The following PPP2R1B variants were observed in gnomAD, a reference collection of about 807,000 sequenced individuals.
The protein encoded by PPP2R1B is protein phosphatase 2 scaffold subunit Abeta, also known as serine/threonine-protein phosphatase 2A 65 kDa regulatory subunit A beta isoform.
A neutral mutation model predicts 72.7 loss-of-function variants in PPP2R1B; 58 were observed. The observed-to-expected ratio is 0.80, with a 90% CI of 0.65 to 0.99. PPP2R1B has a LOEUF of 0.99. Ranked by LOEUF, PPP2R1B falls within the 50% of genes least tolerant of loss-of-function variation. PPP2R1B has a pLI of 0.00. For missense variants in PPP2R1B, 695 were observed against 733.6 expected (o/e 0.95, Z 0.61); for synonymous variants, 256 against 264.6 (o/e 0.97, Z 0.32).
chr11:111,748,111 A>C (rs2136064159), intron 10 of PPP2R1B, 97 bp from the exon 11 acceptor site: 2 of 1,084,480 alleles, frequency 1.8e-6, no homozygotes, highest in African/African-American at 1.6e-5. Flanking sequence ...AGGCTAAAAA[A>C]ACTTGTTTCC....
chr11:111,688,196 G>A, the PPP2R1B span: 14 of 1,610,190 alleles, frequency 8.7e-6, no homozygotes, highest in African/African-American at 4.0e-5. The surrounding 1 kb of genome is among the most constrained non-coding windows in gnomAD (Gnocchi z 4.2). Flanking sequence ...AATAAGATCC[G>A]AAGTGAGCCA....
At position 111,738,168 on chromosome 11, in the gene PPP2R1B, A is replaced by C; in HGVS notation, c.*3428T>G. ...CAAAGGGAAACAGTTACATCACATC[A>C]GACTGCAGTCACCTCAGCTGCTAAA... On this transcript the variant is annotated 3_prime_UTR_variant, in exon 15 of 15. Transcript: ENST00000527614. 1.0e-6 allele frequency: 1 copy of C among 986,230 alleles called. No homozygotes were observed. The highest frequency in any genetic ancestry group is 1.2e-6 in the Non-Finnish European group (1 of 830,448). 61.1% of individuals were successfully genotyped at this position (986,230 alleles called of 1,614,324 possible).
intron 15 of PPP2R1B, chr11:111,729,272 C>CAGAT (rs759490007): frequency 6.6e-6 from 1 of 152,306 alleles, no homozygotes; most frequent in East Asian, 1.9e-4. Flanking sequence ...CACTGGGGCA[C>CAGAT]AGATAGAGAA....
At chr11:111,692,350 CAAAAAAAAAAAAAAAAAAAAAAAAAA>C in the PPP2R1B span, among the ~76,000 whole-genome samples, 3 of 26,482 alleles carry the variant, frequency 1.1e-4, no homozygotes, top group African/African-American at 2.3e-4. Flanking sequence ...GACTCAGTCT[CAAAAAAAAAAAAAAAAAAAAAAAAAA>C]AAAAAAAAAA....
At chr11:111,718,264 G>A in the PPP2R1B span, among the ~76,000 whole-genome samples, 5 of 152,148 alleles carry the variant, frequency 3.3e-5, no homozygotes, top group Non-Finnish European at 2.9e-5. Context: ...AGAGAGTTAA[G>A]GAGCTTAGAG....
chr11:111,748,031 T>C lies in PPP2R1B; in HGVS notation c.1339-17A>G. On this transcript the variant is annotated splice_polypyrimidine_tract_variant and intron_variant, in intron 10 of 14. Transcript: ENST00000527614. ...TTCCACACCCTACAGATACAGAAGA[T>C]TCCATTAACATACATTGCCAAAATT... is the stretch of plus-strand genomic sequence containing the variant. 5 of 1,608,044 alleles carry C rather than the reference T, an allele frequency of 3.1e-6. No homozygotes were observed. Among genetic ancestry groups the C allele is most frequent in the Non-Finnish European group, 4.2e-6 (5 of 1,176,648 alleles).
In PPP2R1B at chr11:111,755,585, TTTTTC is replaced by T; in HGVS notation, c.688-140_688-136del. ...TTATATAGTTTCACGTCTTGACATC[TTTTTC>T]TTTTTTTTTTTTTTTTTGAGGCAGG... On this transcript the variant is annotated intron_variant, in intron 5 of 14. Coordinates refer to ENST00000527614, the MANE Select transcript of PPP2R1B (RefSeq NM_002716.5). The T allele has an allele frequency of 4.3e-5, 31 of 723,738 alleles. No individual in the cohort carries two copies. The South Asian group carries it at 8.6e-4, about 20-fold the overall frequency. The allele number at this position is 723,738 out of a possible 1,614,324, so 44.8% of individuals were successfully genotyped here.
At chr11:111,713,676 G>C in the PPP2R1B span, among the ~76,000 whole-genome samples, 48 of 152,234 alleles carry the variant, frequency 3.2e-4, no homozygotes, top group African/African-American at 1.1e-3. Flanking sequence ...ATTGATAAAA[G>C]ATAAAATATG....
downstream of PPP2R1B, chr11:111,723,636 A>G: frequency 6.2e-7 from 1 of 1,614,102 alleles, no homozygotes; most frequent in Non-Finnish European, 8.5e-7. Flanking sequence ...CCGCCTTCTC[A>G]GCAGGCCCCA....
At chr11:111,692,121 C>G in the PPP2R1B span, among the ~76,000 whole-genome samples, 1 of 151,654 alleles carries the variant, frequency 6.6e-6, no homozygotes, top group Non-Finnish European at 1.5e-5. Flanking sequence ...GAGGCCAAGA[C>G]GGGCAGATTG....
chr11:111,756,882 G>A (rs916535276), intron 5 of PPP2R1B, among the ~76,000 whole-genome samples: 27 of 152,156 alleles, frequency 1.8e-4, no homozygotes, highest in African/African-American at 6.5e-4. Flanking sequence ...GGGAGGCCGA[G>A]GCAGGCGGAT....
chr11:111,717,189 G>A, the PPP2R1B span, among the ~76,000 whole-genome samples: 4 of 151,926 alleles, frequency 2.6e-5, no homozygotes, highest in East Asian at 3.9e-4. Context: ...GGTGATGGGC[G>A]CCTGTAGTCC....
Position 111,760,838 on chromosome 11 carries a change from C to T in PPP2R1B, c.520G>A (p.Val174Ile), listed in dbSNP as rs1555051089. ...SVCYPRASNA[V>I]KAEIRQQFRS... ...GCTTACTGTCTGATTTCTGCTTTAACAGCATTTGATGCCCTGGGATAGCAA... is the reference window on the plus strand; with the variant it reads ...GCTTACTGTCTGATTTCTGCTTTAATAGCATTTGATGCCCTGGGATAGCAA... Residue 174 changes from valine to isoleucine, a missense_variant, in exon 4 of 15, where the codon GTT becomes ATT. By Grantham distance (29) the Val-to-Ile change is conservative (BLOSUM62 3). Coordinates refer to ENST00000527614, the MANE Select transcript of PPP2R1B (RefSeq NM_002716.5). 4 of 1,614,090 alleles carry T rather than the reference C, an allele frequency of 2.5e-6. No homozygotes were observed. The highest frequency in any genetic ancestry group is 3.4e-6 in the Non-Finnish European group (4 of 1,179,966).
At chr11:111,755,528 A>T (rs1945075688) in intron 5 of PPP2R1B, 78 bp from the exon 6 acceptor site, 2 of 1,356,132 alleles carry the variant, frequency 1.5e-6, no homozygotes, top group Non-Finnish European at 2.0e-6. Context: ...GCAGGTGTTT[A>T]AAAAAATTAA....
the PPP2R1B span, among the ~76,000 whole-genome samples, chr11:111,701,171 T>C: frequency 6.6e-6 from 1 of 152,214 alleles, no homozygotes; most frequent in African/African-American, 2.4e-5. The surrounding 1 kb of genome is among the most constrained non-coding windows in gnomAD (Gnocchi z 4.2). Flanking sequence ...AATGGATCCC[T>C]AGGAAAGAAT....
At chr11:111,750,972 G>A (rs1291278665) in intron 10 of PPP2R1B, among the ~76,000 whole-genome samples, 1 of 152,034 alleles carries the variant, frequency 6.6e-6, no homozygotes, top group Non-Finnish European at 1.5e-5. Context: ...CCGAGTAGCT[G>A]GTATTACAGG....
chr11:111,753,760 G>A (rs575595942), intron 8 of PPP2R1B, among the ~76,000 whole-genome samples, 183 bp from the exon 9 acceptor site: 2 of 152,112 alleles, frequency 1.3e-5, no homozygotes, highest in East Asian at 3.9e-4. Flanking sequence ...TGGGTCTACA[G>A]ACATGCACCA....
At chr11:111,747,578 T>C (rs1944748966) in intron 11 of PPP2R1B, among the ~76,000 whole-genome samples, 1 of 152,190 alleles carries the variant, frequency 6.6e-6, no homozygotes, top group African/African-American at 2.4e-5. Context: ...CACCCAGGCC[T>C]TTCATCTGAT....
chr11:111,723,746 C>T, downstream of PPP2R1B: 1 of 1,614,132 alleles, frequency 6.2e-7, no homozygotes, highest in Non-Finnish European at 8.5e-7. Context: ...GATGCAGCTT[C>T]AGCCCCTGCC....
Sources: gnomAD v4.1 joint callset for allele counts (sites outside exome capture counted in the v4.1 genomes callset) on GRCh38, gnomAD v4.1.1 for gene constraint, Gnocchi (gnomAD v3.1) non-coding constraint, MANE v1.5 for transcripts, NCBI Gene and HGNC (gene_info 2026-07-23, HGNC 2026-07-21) for gene names.